CAMKMT: variants seen among roughly 807,000 people sequenced by gnomAD.
CAMKMT encodes CaM KMT.
A neutral mutation model predicts 48.0 loss-of-function variants in CAMKMT; 53 were observed. That is an observed-to-expected ratio of 1.10 (90% CI 0.89 to 1.39). The LOEUF (loss-of-function observed/expected upper bound fraction) is 1.39, where lower values mean the gene tolerates loss of function less well. CAMKMT is among the 40% of genes most tolerant of loss of function. The probability of loss-of-function intolerance (pLI) is 0.00; values close to 1 mark genes in which losing one functional copy is unlikely to be tolerated. For missense variants in CAMKMT, 428 were observed against 402.7 expected (o/e 1.06, Z -0.54); for synonymous variants, 165 against 152.3 (o/e 1.08, Z -0.61).
chr2:44,651,453 G>A (rs1674060180), intron 3 of CAMKMT, among the ~76,000 whole-genome samples: 1 of 152,192 alleles, frequency 6.6e-6, no homozygotes, highest in Admixed American at 6.5e-5. Flanking sequence ...CTAGGCCGAG[G>A]CGGGTGGATC....
chr2:44,486,339 C>T (rs1016791619), intron 3 of CAMKMT, among the ~76,000 whole-genome samples: 3 of 152,152 alleles, frequency 2.0e-5, no homozygotes, highest in African/African-American at 7.2e-5. Context: ...GTACATTGTA[C>T]TTCAGTAAAC....
chr2:44,677,133 C>T (rs939708635), intron 3 of CAMKMT, among the ~76,000 whole-genome samples: 2 of 152,110 alleles, frequency 1.3e-5, no homozygotes, highest in African/African-American at 4.8e-5. Flanking sequence ...CAATTGTGAC[C>T]TACAAAATTT....
At chr2:44,634,097 A>G (rs758135737) in intron 3 of CAMKMT, among the ~76,000 whole-genome samples, 30 of 152,254 alleles carry the variant, frequency 2.0e-4, no homozygotes, top group Middle Eastern at 3.4e-3. Context: ...AACATCTTAC[A>G]GACTATTGTT....
intron 3 of CAMKMT, among the ~76,000 whole-genome samples, chr2:44,606,033 A>G (rs189913812): frequency 3.9e-5 from 6 of 152,272 alleles, no homozygotes; most frequent in Admixed American, 1.3e-4. Flanking sequence ...TGCACCTAAT[A>G]ATTCCTGAGT....
At chr2:44,528,226 C>T (rs1483763710) in intron 3 of CAMKMT, among the ~76,000 whole-genome samples, 3 of 152,016 alleles carry the variant, frequency 2.0e-5, no homozygotes, top group African/African-American at 7.2e-5. Flanking sequence ...CACAAAGGGT[C>T]ATTTCCTAAC....
chr2:44,417,381 G>A (rs1195944124), intron 3 of CAMKMT, among the ~76,000 whole-genome samples: 3 of 151,960 alleles, frequency 2.0e-5, no homozygotes, highest in Non-Finnish European at 4.4e-5. Flanking sequence ...GGTGAAAGAG[G>A]AAGACTCTGT....
At chr2:44,485,188 A>G (rs566900328) in intron 3 of CAMKMT, among the ~76,000 whole-genome samples, 1 of 152,310 alleles carries the variant, frequency 6.6e-6, no homozygotes, top group East Asian at 1.9e-4. Flanking sequence ...TTTCCTGGCA[A>G]TTTCGTTCTC....
intron 3 of CAMKMT, among the ~76,000 whole-genome samples, chr2:44,585,678 G>A (rs1669817109): frequency 2.6e-5 from 4 of 152,198 alleles, no homozygotes; most frequent in Admixed American, 6.5e-5. Flanking sequence ...AGTGACAATT[G>A]TGTACTTTAT....
At chr2:44,416,202 G>C (rs1376677368) in intron 3 of CAMKMT, among the ~76,000 whole-genome samples, 1 of 151,760 alleles carries the variant, frequency 6.6e-6, no homozygotes, top group African/African-American at 2.4e-5. Flanking sequence ...GAAGAAAGAG[G>C]GATTTTCATA....
chr2:44,747,738 C>T (rs142425432), intron 8 of CAMKMT, among the ~76,000 whole-genome samples: 1 of 152,340 alleles, frequency 6.6e-6, no homozygotes, highest in East Asian at 1.9e-4. Context: ...TACAGATGCT[C>T]TGCAGTCTGC....
Position 44,362,109 on chromosome 2 carries a change from G to T in CAMKMT, c.102G>T (p.Ala34=). 6.8e-7 allele frequency: 1 copy of T among 1,467,698 alleles called. No individual in the cohort carries two copies. Among genetic ancestry groups the T allele is most frequent in the Admixed American group, 3.1e-5 (1 of 32,384 alleles). The allele number at this position is 1,467,698 out of a possible 1,614,324, so 90.9% of individuals were successfully genotyped here. The change falls in exon 1 of 11, where the codon GCG becomes GCT. Residue 34 remains alanine (A), a synonymous_variant. Coordinates refer to ENST00000378494, the MANE Select transcript of CAMKMT (RefSeq NM_024766.5). ...CCACTCGGGGGCCCGTAGTCTCGGC[G>T]CCCCTGGGAGCCGCCCGGTGGAAGC... is the stretch of plus-strand genomic sequence containing the variant. ...GCTTRGPVVS[A]PLGAARWKLL... is the part of the protein sequence containing the mutation.
In CAMKMT at chr2:44,572,891, A is replaced by T. The variant is rs78894394; in HGVS notation, c.377-131392A>T. 2.2e-4 allele frequency among the ~76,000 whole-genome samples: 33 copies of T among 152,342 alleles called. No individual in the cohort carries two copies. In the East Asian group the frequency reaches 5.0e-3, roughly 23 times the overall value. On this transcript the variant is annotated intron_variant, in intron 3 of 10. Transcript: ENST00000378494. ...TTCCACGGTGGCTACATCGTTTTAC[A>T]TTCCCACCAGCAGAGCACAAGGGTT...
At chr2:44,515,127 T>G (rs1490018924) in intron 3 of CAMKMT, among the ~76,000 whole-genome samples, 1 of 152,202 alleles carries the variant, frequency 6.6e-6, no homozygotes, top group African/African-American at 2.4e-5. Flanking sequence ...GACAGAGGTT[T>G]TAGGATTAAC....
At chr2:44,728,795 T>A (rs1472097677) in intron 7 of CAMKMT, among the ~76,000 whole-genome samples, 1 of 151,572 alleles carries the variant, frequency 6.6e-6, no homozygotes, top group African/African-American at 2.4e-5. Context: ...CTTATTTGTA[T>A]CTTTTATTTC....
intron 3 of CAMKMT, among the ~76,000 whole-genome samples, chr2:44,510,277 A>G (rs11885243): frequency 0.07 from 10,678 of 152,216 alleles, 836 homozygotes; most frequent in East Asian, 0.34. Flanking sequence ...CACGGCCTTG[A>G]TACTTTAAAG....
At chr2:44,700,002 A>G (rs1677172858) in intron 3 of CAMKMT, among the ~76,000 whole-genome samples, 2 of 152,226 alleles carry the variant, frequency 1.3e-5, no homozygotes, top group Non-Finnish European at 2.9e-5. Context: ...TAGTGTAGTC[A>G]TCTTCATCAG....
chr2:44,672,108 A>G (rs1435650008), intron 3 of CAMKMT, among the ~76,000 whole-genome samples: 2 of 152,136 alleles, frequency 1.3e-5, no homozygotes, highest in African/African-American at 4.8e-5. Context: ...TCACTCCCCA[A>G]ATAGTCTTGC....
chr2:44,710,987 A>T (rs1677846891), intron 6 of CAMKMT, among the ~76,000 whole-genome samples: 2 of 152,220 alleles, frequency 1.3e-5, no homozygotes, highest in South Asian at 4.1e-4. Flanking sequence ...GGATTCTCCA[A>T]AAATGGGTAA....
chr2:44,446,732 T>C (rs1667022914), intron 3 of CAMKMT, among the ~76,000 whole-genome samples: 1 of 152,184 alleles, frequency 6.6e-6, no homozygotes, highest in South Asian at 2.1e-4. Context: ...GTATACCTTG[T>C]TGTGCTGCCA....
Sources: gnomAD v4.1 joint callset for allele counts (sites outside exome capture counted in the v4.1 genomes callset) on GRCh38, gnomAD v4.1.1 for gene constraint, MANE v1.5 for transcripts, NCBI Gene and HGNC (gene_info 2026-07-23, HGNC 2026-07-21) for gene names.